The following MAGI1 variants were observed in gnomAD, a reference collection of about 807,000 sequenced individuals.
The protein encoded by MAGI1 is membrane associated guanylate kinase, WW and PDZ domain containing 1.
A neutral mutation model predicts 139.9 loss-of-function variants in MAGI1; 58 were observed. That is an observed-to-expected ratio of 0.41 (90% CI 0.34 to 0.52). MAGI1 has a LOEUF of 0.52. Among genes scored for constraint, MAGI1 ranks in the 20% least tolerant of loss-of-function variants. The pLI is 0.12. For synonymous variants in MAGI1, 812 were observed against 737.9 expected, an observed-to-expected ratio of 1.10 and a Z score of -1.63; for missense variants, 1,874 against 1,901.6, an observed-to-expected ratio of 0.99 and a Z score of 0.27.
intron 2 of MAGI1, among the ~76,000 whole-genome samples, chr3:65,616,336 A>T (rs191889383): frequency 6.6e-6 from 1 of 152,184 alleles, no homozygotes; most frequent in Non-Finnish European, 1.5e-5. Context: ...GGAGAAAAAG[A>T]GTAGAAAGCT....
At chr3:65,369,056 C>G (rs1417800659) in intron 18 of MAGI1, among the ~76,000 whole-genome samples, 2 of 152,090 alleles carry the variant, frequency 1.3e-5, no homozygotes, top group African/African-American at 4.8e-5. Flanking sequence ...TTCTCTGGGC[C>G]CTTCTGTGCT....
chr3:65,416,914 C>T (rs945297426), intron 12 of MAGI1, among the ~76,000 whole-genome samples: 1 of 152,168 alleles, frequency 6.6e-6, no homozygotes, highest in African/African-American at 2.4e-5. Flanking sequence ...TTTAACTTTA[C>T]AGGTGACACT....
chr3:65,434,284 T>C (rs1947676837), intron 10 of MAGI1, among the ~76,000 whole-genome samples: 1 of 152,030 alleles, frequency 6.6e-6, no homozygotes, highest in Non-Finnish European at 1.5e-5. Flanking sequence ...CCATGGCAGA[T>C]AATGTAGGTA....
At chr3:65,689,526 C>T (rs1310023777) in intron 1 of MAGI1, among the ~76,000 whole-genome samples, 9 of 152,238 alleles carry the variant, frequency 5.9e-5, no homozygotes, top group African/African-American at 2.2e-4. Flanking sequence ...ATAAAATATC[C>T]TTCGGAATTA....
chr3:65,834,819 T>C (rs114836673), intron 1 of MAGI1, among the ~76,000 whole-genome samples: 2,123 of 152,378 alleles, frequency 0.014, 57 homozygotes, highest in Admixed American at 0.068. Flanking sequence ...CCCTTTTATT[T>C]ATCATTATAA....
intron 5 of MAGI1, among the ~76,000 whole-genome samples, chr3:65,465,376 C>A (rs1950103002): frequency 6.8e-6 from 1 of 147,550 alleles, no homozygotes; most frequent in African/African-American, 2.5e-5. Context: ...TTTTAGAATT[C>A]TCTTTTTGTT....
At chr3:65,747,902 C>T (rs2107808134) in intron 1 of MAGI1, among the ~76,000 whole-genome samples, 1 of 152,264 alleles carries the variant, frequency 6.6e-6, no homozygotes, top group African/African-American at 2.4e-5. Context: ...GCAAAGCCAG[C>T]GGGCGAGGCA....
At chr3:65,840,761 T>C (rs566631500) in intron 1 of MAGI1, among the ~76,000 whole-genome samples, 4 of 152,302 alleles carry the variant, frequency 2.6e-5, no homozygotes, top group African/African-American at 9.6e-5. Flanking sequence ...GTTTTTAGTA[T>C]TATCTTGGTC....
chr3:65,768,873 A>G (rs1428820759), intron 1 of MAGI1, among the ~76,000 whole-genome samples: 1 of 152,230 alleles, frequency 6.6e-6, no homozygotes, highest in Non-Finnish European at 1.5e-5. Context: ...TGCTCCGTAC[A>G]GAGAATAATA....
At chr3:65,583,191 C>G (rs1213702322) in intron 2 of MAGI1, among the ~76,000 whole-genome samples, 1 of 152,192 alleles carries the variant, frequency 6.6e-6, no homozygotes, top group Non-Finnish European at 1.5e-5. Flanking sequence ...CTAGTGACCA[C>G]TGACCTGGAC....
intron 1 of MAGI1, among the ~76,000 whole-genome samples, chr3:65,916,943 T>C (rs1314577492): frequency 6.6e-6 from 1 of 152,208 alleles, no homozygotes; most frequent in Non-Finnish European, 1.5e-5. Flanking sequence ...ACACGTAATA[T>C]ATTAATGGTC....
intron 1 of MAGI1, among the ~76,000 whole-genome samples, chr3:65,974,212 T>C (rs2065143269): frequency 6.6e-6 from 1 of 151,972 alleles, no homozygotes; most frequent in Admixed American, 6.6e-5. Context: ...GTGGCAATCA[T>C]CTTAGCATCC....
chr3:65,448,784 A>C (rs1948834733), intron 6 of MAGI1, among the ~76,000 whole-genome samples: 1 of 152,096 alleles, frequency 6.6e-6, no homozygotes, highest in Admixed American at 6.6e-5. Flanking sequence ...CAAAAATTTC[A>C]GGGAGCAAAA....
intron 17 of MAGI1, among the ~76,000 whole-genome samples, chr3:65,376,474 A>T (rs1443810814): frequency 6.6e-6 from 1 of 152,214 alleles, no homozygotes; most frequent in Non-Finnish European, 1.5e-5. Context: ...CCAAAAATTC[A>T]ATCTGAAAAC....
chr3:65,698,942 CT>C, intron 1 of MAGI1, among the ~76,000 whole-genome samples: 1 of 133,552 alleles, frequency 7.5e-6, no homozygotes, highest in Middle Eastern at 3.5e-3. Context: ...AACAGGCAAC[CT>C]ACAAAATGGG....
intron 1 of MAGI1, among the ~76,000 whole-genome samples, chr3:65,916,052 T>C (rs2061888477): frequency 6.9e-6 from 1 of 145,350 alleles, no homozygotes; most frequent in Non-Finnish European, 1.5e-5. Flanking sequence ...ATTATATATA[T>C]ATATTCATCT....
intron 1 of MAGI1, among the ~76,000 whole-genome samples, chr3:65,930,082 C>T (rs1261351295): frequency 1.3e-5 from 2 of 149,802 alleles, no homozygotes; most frequent in Non-Finnish European, 3.0e-5. Flanking sequence ...TTTGGGAGGC[C>T]GAGGCGGGTG....
At chr3:65,629,761 TC>T (rs1300247201) in intron 1 of MAGI1, among the ~76,000 whole-genome samples, 1 of 152,250 alleles carries the variant, frequency 6.6e-6, no homozygotes, top group Non-Finnish European at 1.5e-5. Context: ...TATATTTTTT[TC>T]TTATTGTAAA....
At chr3:65,413,206 T>C (rs1006944337) in intron 12 of MAGI1, among the ~76,000 whole-genome samples, 1 of 152,216 alleles carries the variant, frequency 6.6e-6, no homozygotes, top group Non-Finnish European at 1.5e-5. Flanking sequence ...AGGAAAATTT[T>C]CCAGCTTGCT....
Sources: allele counts gnomAD v4.1 joint callset (sites outside exome capture counted in the v4.1 genomes callset), GRCh38; gene constraint gnomAD v4.1.1; transcripts MANE v1.5; gene names NCBI Gene and HGNC (gene_info 2026-07-23, HGNC 2026-07-21).